Variants in TMEM127 observed in about 807,000 individuals in gnomAD.
TMEM127 encodes transmembrane protein 127.
TMEM127 carries 21 observed loss-of-function variants against 20.1 expected under a neutral mutation model. The ratio of observed to expected loss-of-function variants is 1.04; its 90% CI spans 0.74 to 1.50. TMEM127 has a LOEUF of 1.50. Ranked by LOEUF, TMEM127 falls within the 40% of genes most tolerant of loss-of-function variation. The probability of loss-of-function intolerance (pLI) is 0.00; values close to 1 mark genes in which losing one functional copy is unlikely to be tolerated. For missense variants in TMEM127, 303 were observed against 317.4 expected (o/e 0.95, Z 0.34); for synonymous variants, 150 against 144.7 (o/e 1.04, Z -0.26).
In TMEM127 at chr2:96,253,389, C is replaced by G. The variant is rs1684131735; in HGVS notation, c.*419G>C. On this transcript the variant is annotated 3_prime_UTR_variant, in exon 4 of 4. Coordinates refer to ENST00000258439, the MANE Select transcript of TMEM127 (RefSeq NM_017849.4). This position sits in a 1 kb window ranked among gnomAD's most constrained non-coding sequence, Gnocchi z 4.3. The stretch of plus-strand genomic sequence containing the variant: ...CCCAGAGCTACAGCTGTGGAGCAAA[C>G]ACTGATCCCTGTGAAGTGAGCCTCC... 7.4e-6 allele frequency: 2 copies of G among 272,084 alleles called. No homozygotes were observed. Among genetic ancestry groups the G allele is most frequent in the Non-Finnish European group, 1.4e-5 (2 of 140,612 alleles). The allele number at this position is 272,084 out of a possible 1,614,324, so 16.9% of individuals were successfully genotyped here.
intron 2 of TMEM127, among the ~76,000 whole-genome samples, chr2:96,262,313 T>G (rs936011769): frequency 1.3e-5 from 2 of 150,746 alleles, no homozygotes; most frequent in Non-Finnish European, 2.9e-5. Flanking sequence ...GCTTGACAGC[T>G]CTGCTCCCTC....
At chr2:96,260,311 C>T (rs565565390) in intron 2 of TMEM127, among the ~76,000 whole-genome samples, 3 of 152,248 alleles carry the variant, frequency 2.0e-5, no homozygotes, top group South Asian at 2.1e-4. Context: ...TCCTAGACGT[C>T]GGTACAGCAG....
chr2:96,264,921 G>A (rs1473112003), intron 2 of TMEM127, among the ~76,000 whole-genome samples: 1 of 152,278 alleles, frequency 6.6e-6, no homozygotes. Context: ...GCAGCAGTCC[G>A]GATTAACATG....
chr2:96,255,498 C>T (rs1213809149), intron 2 of TMEM127, among the ~76,000 whole-genome samples: 1 of 152,072 alleles, frequency 6.6e-6, no homozygotes, highest in African/African-American at 2.4e-5. Flanking sequence ...TGAAATCAAC[C>T]AAATGTAGGA....
At chr2:96,259,683 C>A (rs918173827) in intron 2 of TMEM127, among the ~76,000 whole-genome samples, 1 of 152,220 alleles carries the variant, frequency 6.6e-6, no homozygotes, top group African/African-American at 2.4e-5. Context: ...TGGGACCTGG[C>A]GCCGAATCCT....
At chr2:96,258,513 C>A (rs1403373918) in intron 2 of TMEM127, among the ~76,000 whole-genome samples, 1 of 152,200 alleles carries the variant, frequency 6.6e-6, no homozygotes, top group African/African-American at 2.4e-5. Context: ...GGCTTTGGGT[C>A]ACCCACGAAG....
At chr2:96,254,432 C>T (rs1294691352) in intron 3 of TMEM127, among the ~76,000 whole-genome samples, 1 of 152,160 alleles carries the variant, frequency 6.6e-6, no homozygotes, top group Non-Finnish European at 1.5e-5. Flanking sequence ...ACAGCAGCTA[C>T]ATACAAGAAA....
rs906838744 is a variant in TMEM127 at position 96,249,198 on chromosome 2, A to G, written c.*4610T>C. 9.5e-6 allele frequency: 2 copies of G among 211,242 alleles called. No homozygotes were observed. Among genetic ancestry groups the G allele is most frequent in the East Asian group, 1.4e-4 (2 of 14,182 alleles). 13.1% of individuals were successfully genotyped at this position (211,242 alleles called of 1,614,324 possible). On this transcript the variant is annotated 3_prime_UTR_variant, in exon 4 of 4. Transcript: ENST00000258439. ...CTGCAACCTCTGCCTCCCGGGTTCA[A>G]GTGATTCTCCTGCCTCAGCCTCCCG... is the stretch of plus-strand genomic sequence containing the variant.
chr2:96,258,969 T>C (rs1684262688), intron 2 of TMEM127, among the ~76,000 whole-genome samples: 1 of 152,228 alleles, frequency 6.6e-6, no homozygotes, highest in Non-Finnish European at 1.5e-5. Flanking sequence ...ATTGTTTCTT[T>C]GGCTGGATGG....
At chr2:96,255,849 G>A (rs529625616) in intron 2 of TMEM127, among the ~76,000 whole-genome samples, 96 of 151,872 alleles carry the variant, frequency 6.3e-4, no homozygotes, top group African/African-American at 2.1e-3. Flanking sequence ...GCATGGTGGC[G>A]CATGCCTATA....
rs906422535 is a variant in TMEM127 at position 96,251,083 on chromosome 2, C to T, written c.*2725G>A. 4.6e-6 allele frequency: 1 copy of T among 217,966 alleles called. No individual in the cohort carries two copies. Among genetic ancestry groups the T allele is most frequent in the Non-Finnish European group, 9.2e-6 (1 of 108,478 alleles). The allele number at this position is 217,966 out of a possible 1,614,324, so 13.5% of individuals were successfully genotyped here. On this transcript the variant is annotated 3_prime_UTR_variant, in exon 4 of 4. Transcript: ENST00000258439. ...AGAGCTCAGGGTTTGAAGGTTGGGC[C>T]TTGGGCGGGAGTCAGCTACTATTTC...
chr2:96,254,042 A>ATGC lies in TMEM127; in HGVS notation c.480_482dup (p.Gln160dup), dbSNP rs777748763. The ATGC allele has an allele frequency of 2.5e-6, 4 of 1,614,108 alleles. No individual in the cohort carries two copies. Among genetic ancestry groups the ATGC allele is most frequent in the Admixed American group, 3.3e-5 (2 of 60,018 alleles). ...AGACCTGGGATCCATGGTACTTCTTATGCTGCTGCTGCTGGGCCAAGATGA... is the reference window on the plus strand; with the variant it reads ...AGACCTGGGATCCATGGTACTTCTTATGCTGCTGCTGCTGCTGGGCCAAGATGA... On this transcript the variant is annotated inframe_insertion, in exon 4 of 4. Coordinates refer to ENST00000258439, the MANE Select transcript of TMEM127 (RefSeq NM_017849.4).
intron 2 of TMEM127, among the ~76,000 whole-genome samples, chr2:96,256,370 G>A (rs1439316025): frequency 7.2e-5 from 11 of 151,814 alleles, no homozygotes; most frequent in African/African-American, 2.4e-4. Flanking sequence ...TCAGGAGTTT[G>A]AGACAAGCCT....
intron 2 of TMEM127, among the ~76,000 whole-genome samples, chr2:96,255,901 G>A (rs560012531): frequency 1.6e-4 from 25 of 152,002 alleles, no homozygotes; most frequent in African/African-American, 5.3e-4. Flanking sequence ...GACTGCTTGC[G>A]CCCAGGAGTT....
Position 96,254,953 on chromosome 2 carries a change from C to T in TMEM127, c.289G>A (p.Ala97Thr), listed in dbSNP as rs752938517. 22 of 1,614,092 alleles carry T rather than the reference C, an allele frequency of 1.4e-5. No homozygotes were observed. The highest frequency in any genetic ancestry group is 1.1e-4 in the East Asian group (5 of 44,900). ...PQTVLLLRVI[A>T]AFCFLGILCS... ...AGGATGCCCAGGAAACAGAAGGCGGCGATGACCCGCAGGAGCAGCACTGTC... is the reference window on the plus strand; with the variant it reads ...AGGATGCCCAGGAAACAGAAGGCGGTGATGACCCGCAGGAGCAGCACTGTC... The change falls in exon 3 of 4, where the codon GCC becomes ACC. Residue 97 changes from alanine to threonine, a missense_variant. Ala to Thr is a moderately conservative substitution (Grantham distance 58). Transcript: ENST00000258439.
At chr2:96,254,253 G>C (rs1684156003) in intron 3 of TMEM127, 138 bp from the exon 4 acceptor site, 1 of 1,171,784 alleles carries the variant, frequency 8.5e-7, no homozygotes, top group African/African-American at 1.5e-5. Flanking sequence ...GCAAGGAGGA[G>C]CTCTCTTGAC....
intron 2 of TMEM127, among the ~76,000 whole-genome samples, chr2:96,264,793 C>G (rs968588329): frequency 6.6e-6 from 1 of 152,134 alleles, no homozygotes; most frequent in Non-Finnish European, 1.5e-5. Flanking sequence ...TCAGTCTGCC[C>G]CAAAGAAGCT....
chr2:96,263,287 G>A (rs1394559641), intron 2 of TMEM127, among the ~76,000 whole-genome samples: 4 of 151,546 alleles, frequency 2.6e-5, no homozygotes, highest in Admixed American at 2.6e-4. Flanking sequence ...TCCAACTCTT[G>A]ACCTCAGGCA....
Position 96,250,867 on chromosome 2 carries a change from G to A in TMEM127, c.*2941C>T. 4.3e-6 allele frequency: 1 copy of A among 231,316 alleles called. No individual in the cohort carries two copies. The highest frequency in any genetic ancestry group is 8.6e-6 in the Non-Finnish European group (1 of 116,872). The allele number at this position is 231,316 out of a possible 1,614,324, so 14.3% of individuals were successfully genotyped here. A position where few individuals can be genotyped will look rare whatever the true frequency, so the allele number is the denominator to read the frequency against. On this transcript the variant is annotated 3_prime_UTR_variant, in exon 4 of 4. Transcript: ENST00000258439. The stretch of plus-strand genomic sequence containing the variant: ...GAAAGTGCAGTTTCTAGGGAGTGAA[G>A]GAACACGTGAAATACAGAAAATAAA...
Sources: gnomAD v4.1 joint callset for allele counts (sites outside exome capture counted in the v4.1 genomes callset) on GRCh38, gnomAD v4.1.1 for gene constraint, Gnocchi (gnomAD v3.1) non-coding constraint, MANE v1.5 for transcripts, NCBI Gene and HGNC (gene_info 2026-07-23, HGNC 2026-07-21) for gene names.